MLLT3: variants seen among roughly 807,000 people sequenced by gnomAD.
MLLT3 encodes MLLT3 super elongation complex subunit.
Under a neutral mutation model 53.2 loss-of-function variants are expected in MLLT3, and 4 were observed. The ratio of observed to expected loss-of-function variants is 0.08; its 90% confidence interval spans 0.04 to 0.17. The LOEUF (loss-of-function observed/expected upper bound fraction) is 0.17. Among genes scored for constraint, MLLT3 ranks in the 10% least tolerant of loss-of-function variants. MLLT3 has a pLI of 1.00. For synonymous variants in MLLT3, 283 were observed against 230.6 expected, an observed-to-expected ratio of 1.23 and a Z score of -2.06; for missense variants, 569 against 684.0, an observed-to-expected ratio of 0.83 and a Z score of 1.87.
intron 2 of MLLT3, among the ~76,000 whole-genome samples, chr9:20,537,060 A>G (rs1818507510): frequency 1.3e-5 from 2 of 152,246 alleles, no homozygotes; most frequent in Admixed American, 1.3e-4. Flanking sequence ...GTAAAACTAT[A>G]GATGGGAAGT....
Position 20,621,927 on chromosome 9 carries a change from G to C in MLLT3, c.12+318C>G, listed in dbSNP as rs1182300923. Reference sequence around the variant, plus strand: ...CGTGTGTGTGTGTGTGTGTGAGTGCGCGCGTGTGAGCGAGAGGGAGTGTGT... The same window carrying C: ...CGTGTGTGTGTGTGTGTGTGAGTGCCCGCGTGTGAGCGAGAGGGAGTGTGT... On this transcript the variant is annotated intron_variant, in intron 1 of 10. Coordinates refer to ENST00000380338, the MANE Select transcript of MLLT3 (RefSeq NM_004529.4). This position sits in a 1 kb window ranked among gnomAD's most constrained non-coding sequence, Gnocchi z 7.0. 5.8e-6 allele frequency: 8 copies of C among 1,384,588 alleles called. No homozygotes were observed. In the East Asian group the frequency reaches 1.5e-4, roughly 25 times the overall value. The allele number at this position is 1,384,588 out of a possible 1,614,324, so 85.8% of individuals were successfully genotyped here. A position where few individuals can be genotyped will look rare whatever the true frequency, so the allele number is the denominator to read the frequency against.
At chr9:20,438,913 G>A (rs1197460716) in intron 4 of MLLT3, among the ~76,000 whole-genome samples, 2 of 152,000 alleles carry the variant, frequency 1.3e-5, no homozygotes, top group Non-Finnish European at 2.9e-5. Context: ...TTCATGAATA[G>A]GGATCCTTAT....
Position 20,620,532 on chromosome 9 carries a change from A to G in MLLT3, c.193+122T>C, listed in dbSNP as rs1259734029. The G allele has an allele frequency of 2.6e-6, 2 of 772,686 alleles. No individual in the cohort carries two copies. The highest frequency in any genetic ancestry group is 1.9e-5 in the African/African-American group (1 of 53,620). 47.9% of individuals were successfully genotyped at this position (772,686 alleles called of 1,614,324 possible). On this transcript the variant is annotated intron_variant, in intron 2 of 10. Transcript: ENST00000380338. The surrounding 1 kb of genome is among the most constrained non-coding windows in gnomAD (Gnocchi z 6.1). The stretch of plus-strand genomic sequence containing the variant: ...GGCCCGCGCGGCGCCGCGCACCCGG[A>G]TCCCGAGGCTACGCCGGCGAGCGCG...
In MLLT3 at chr9:20,346,239, T is replaced by G. The variant is rs1820862561; in HGVS notation, c.*204A>C. On this transcript the variant is annotated 3_prime_UTR_variant, in exon 11 of 11. Coordinates refer to ENST00000380338, the MANE Select transcript of MLLT3 (RefSeq NM_004529.4). Reference sequence around the variant, plus strand: ...GAGTGGTCCGCTGAGGCTGGTTTGCTTTAACCTCTCCTTTATCAAGAGATG... The same window carrying G: ...GAGTGGTCCGCTGAGGCTGGTTTGCGTTAACCTCTCCTTTATCAAGAGATG... 1 of 534,944 alleles carries G rather than the reference T, an allele frequency of 1.9e-6. No individual in the cohort carries two copies. The highest frequency in any genetic ancestry group is 3.4e-5 in the East Asian group (1 of 29,664). The allele number at this position is 534,944 out of a possible 1,614,324, so 33.1% of individuals were successfully genotyped here.
rs139818141 is a variant in MLLT3, at chr9:20,360,801, C to A, written c.1372G>T (p.Ala458Ser). Residue 458 changes from alanine (A) to serine (S), a missense_variant, in exon 8 of 11, where the codon GCT becomes TCT. Coordinates refer to ENST00000380338, the MANE Select transcript of MLLT3 (RefSeq NM_004529.4). Reference protein sequence around the residue: ...SDGSDSESSSASSPLHHEPPP... With the variant: ...SDGSDSESSSSSSPLHHEPPP... The stretch of plus-strand genomic sequence containing the variant: ...GGTTCGTGATGTAGGGGTGAAGAAG[C>A]AGAACTGCTTTCACTATCGCTGCCA... 1.9e-6 allele frequency: 3 copies of A among 1,613,956 alleles called. No individual in the cohort carries two copies. In the African/African-American group the frequency reaches 4.0e-5, roughly 22 times the overall value.
intron 2 of MLLT3, among the ~76,000 whole-genome samples, chr9:20,561,333 TACTC>T (rs1270763735): frequency 6.6e-6 from 1 of 152,108 alleles, no homozygotes; most frequent in Non-Finnish European, 1.5e-5. Flanking sequence ...GCAATCAAGA[TACTC>T]AAACTCTTCA....
At chr9:20,493,374 C>T (rs1825001307) in intron 2 of MLLT3, among the ~76,000 whole-genome samples, 1 of 151,954 alleles carries the variant, frequency 6.6e-6, no homozygotes, top group Non-Finnish European at 1.5e-5. Flanking sequence ...CCAACTCCAG[C>T]TTAGCTTTTA....
At chr9:20,435,078 G>A (rs1474179993) in intron 4 of MLLT3, among the ~76,000 whole-genome samples, 1 of 152,104 alleles carries the variant, frequency 6.6e-6, no homozygotes. Flanking sequence ...GGAGTGGGAT[G>A]GGGAATGGAG....
intron 5 of MLLT3, among the ~76,000 whole-genome samples, chr9:20,394,238 C>T (rs981648757): frequency 6.6e-6 from 1 of 152,138 alleles, no homozygotes; most frequent in Non-Finnish European, 1.5e-5. Flanking sequence ...GGACAGGTAC[C>T]TCCTCCAGAA....
chr9:20,472,523 C>T (rs1432423329), intron 2 of MLLT3, among the ~76,000 whole-genome samples: 2 of 152,046 alleles, frequency 1.3e-5, no homozygotes, highest in African/African-American at 4.8e-5. Flanking sequence ...CCCACCCCTA[C>T]CACTGGGGGT....
At chr9:20,558,425 G>A (rs1587068038) in intron 2 of MLLT3, among the ~76,000 whole-genome samples, 1 of 152,248 alleles carries the variant, frequency 6.6e-6, no homozygotes, top group East Asian at 1.9e-4. Context: ...ACAGACGTGA[G>A]CCACTGCACC....
intron 2 of MLLT3, among the ~76,000 whole-genome samples, chr9:20,549,368 C>A (rs1818870473): frequency 6.6e-6 from 1 of 151,982 alleles, no homozygotes; most frequent in Non-Finnish European, 1.5e-5. Flanking sequence ...TGTTACCAAC[C>A]CAGCATGGTT....
At chr9:20,504,268 T>C (rs555097717) in intron 2 of MLLT3, among the ~76,000 whole-genome samples, 4 of 152,130 alleles carry the variant, frequency 2.6e-5, no homozygotes, top group African/African-American at 7.2e-5. Context: ...CTAGTTACAA[T>C]AGTCAAGATA....
intron 2 of MLLT3, among the ~76,000 whole-genome samples, chr9:20,543,507 T>C (rs139590808): frequency 2.2e-4 from 34 of 152,288 alleles, no homozygotes; most frequent in Non-Finnish European, 4.0e-4. Flanking sequence ...CCAGGTGCAG[T>C]GGCTCATGCC....
At chr9:20,548,339 C>T (rs978583583) in intron 2 of MLLT3, among the ~76,000 whole-genome samples, 2 of 152,150 alleles carry the variant, frequency 1.3e-5, no homozygotes, top group Admixed American at 6.5e-5. Context: ...TGATGGCTCT[C>T]GTAGTATCTA....
At position 20,565,955 on chromosome 9, in the gene MLLT3, TATATATATATATTTATATA is replaced by T. The variant is rs1369539479; in HGVS notation, c.193+54680_193+54698del. Reference sequence around the variant, plus strand: ...ATATATATTTATATATATATATATTTATATATATATATTTATATATATATATATTTATTTATATATTTAT... The same window carrying T: ...ATATATATTTATATATATATATATTTTATATATATTTATTTATATATTTAT... On this transcript the variant is annotated intron_variant, in intron 2 of 10. Coordinates refer to ENST00000380338, the MANE Select transcript of MLLT3 (RefSeq NM_004529.4). Among the ~76,000 whole-genome samples the T allele has an allele frequency of 0.013, 48 of 3,642 alleles. No individual in the cohort carries two copies. The South Asian group carries it at 0.23, about 18-fold the overall frequency. 2.4% of individuals were successfully genotyped at this position (3,642 alleles called of 152,430 possible).
At chr9:20,612,467 A>G (rs1196937589) in intron 2 of MLLT3, among the ~76,000 whole-genome samples, 1 of 152,180 alleles carries the variant, frequency 6.6e-6, no homozygotes, top group Non-Finnish European at 1.5e-5. Flanking sequence ...AGAGGAAAAC[A>G]AAACAAAATA....
chr9:20,504,203 G>C (rs1260276792), intron 2 of MLLT3, among the ~76,000 whole-genome samples: 1 of 151,974 alleles, frequency 6.6e-6, no homozygotes, highest in Non-Finnish European at 1.5e-5. Context: ...TACATCCAAA[G>C]GAAACAAAAC....
chr9:20,464,500 G>A (rs1375868263), intron 2 of MLLT3, among the ~76,000 whole-genome samples: 1 of 152,064 alleles, frequency 6.6e-6, no homozygotes, highest in Admixed American at 6.6e-5. Flanking sequence ...ATAAAATACT[G>A]AGAAAGTACT....
Sources: allele counts gnomAD v4.1 joint callset (sites outside exome capture counted in the v4.1 genomes callset), GRCh38; gene constraint gnomAD v4.1.1; non-coding constraint Gnocchi (gnomAD v3.1); transcripts MANE v1.5; gene names NCBI Gene and HGNC (gene_info 2026-07-23, HGNC 2026-07-21).